The following ADGRB3 variants were observed in gnomAD, a reference collection of about 807,000 sequenced individuals.
The protein encoded by ADGRB3 is adhesion G protein-coupled receptor B3, also known as brain-specific angiogenesis inhibitor 3.
Under a neutral mutation model 193.4 loss-of-function variants are expected in ADGRB3, and 37 were observed. The observed-to-expected ratio is 0.19, with a 90% CI of 0.15 to 0.25. ADGRB3 has a LOEUF of 0.25. Among genes scored for constraint, ADGRB3 ranks in the 10% least tolerant of loss-of-function variants. The pLI, the probability that ADGRB3 is intolerant of heterozygous loss-of-function variation, is 1.00. For synonymous variants in ADGRB3, 690 were observed against 644.2 expected (o/e 1.07, Z -1.08); for missense variants, 1,637 against 1,852.9 (o/e 0.88, Z 2.14).
intron 3 of ADGRB3, among the ~76,000 whole-genome samples, chr6:68,790,507 C>T (rs1410177694): frequency 6.6e-6 from 1 of 152,154 alleles, no homozygotes; most frequent in African/African-American, 2.4e-5. Context: ...GGGTCCCTGA[C>T]CCCCGAGTAG....
intron 17 of ADGRB3, among the ~76,000 whole-genome samples, chr6:69,084,242 A>G (rs1033762194): frequency 2.0e-5 from 3 of 152,184 alleles, no homozygotes; most frequent in African/African-American, 4.8e-5. Flanking sequence ...GAAGAGGTAG[A>G]TATAAACTAT....
chr6:68,849,239 G>A (rs1335358915), intron 3 of ADGRB3, among the ~76,000 whole-genome samples: 3 of 151,760 alleles, frequency 2.0e-5, no homozygotes, highest in African/African-American at 7.3e-5. Flanking sequence ...GTATTAATAC[G>A]TTTAAATATA....
intron 24 of ADGRB3, among the ~76,000 whole-genome samples, chr6:69,335,981 ATAC>A (rs2127317335): frequency 6.6e-6 from 1 of 152,202 alleles, no homozygotes; most frequent in East Asian, 1.9e-4. Context: ...TTAATAAATA[ATAC>A]AATAGTTTAA....
intron 3 of ADGRB3, among the ~76,000 whole-genome samples, chr6:68,777,187 TGTAA>T (rs772642188): frequency 1.3e-5 from 2 of 152,106 alleles, no homozygotes; most frequent in Admixed American, 6.6e-5. Flanking sequence ...TGTAATAGCA[TGTAA>T]GTGTGTGTTC....
rs1451442520 is a variant in ADGRB3, at chr6:68,956,754, G to C, written c.1470G>C (p.Gln490His). The C allele has an allele frequency of 6.2e-7, 1 of 1,614,032 alleles. No individual in the cohort carries two copies. The highest frequency in any genetic ancestry group is 1.3e-5 in the African/African-American group (1 of 75,016). The change falls in exon 8 of 32, where the codon CAG (glutamine) becomes CAC (histidine). Residue 490 changes from glutamine to histidine, a missense_variant. By Grantham distance (24) the Gln-to-His change is conservative. Transcript: ENST00000370598. Reference sequence around the variant, plus strand: ...GTCAGGGTGCAGTGATAACAGGGCAGCAATGTGAAGGAACGGGCGAAGAAG... The same window carrying C: ...GTCAGGGTGCAGTGATAACAGGGCACCAATGTGAAGGAACGGGCGAAGAAG... ...RTCQGAVITG[Q>H]QCEGTGEEVR... is the part of the protein sequence containing the mutation.
Position 69,100,209 on chromosome 6 carries a change from C to T in ADGRB3, c.2480+24171C>T, listed in dbSNP as rs897372136. ...AGTGCAGAATTTTCTGTAAATCATTCGGTCTACATCTATAACTTTTAAATA... is the reference window on the plus strand; with the variant it reads ...AGTGCAGAATTTTCTGTAAATCATTTGGTCTACATCTATAACTTTTAAATA... On this transcript the variant is annotated intron_variant, in intron 17 of 31. Transcript: ENST00000370598. Among the ~76,000 whole-genome samples, 4 of 152,116 alleles carry T rather than the reference C, an allele frequency of 2.6e-5. No individual in the cohort carries two copies. In the East Asian group the frequency reaches 5.8e-4, roughly 22 times the overall value.
chr6:69,213,981 A>G (rs1386187849), intron 17 of ADGRB3, among the ~76,000 whole-genome samples: 1 of 152,184 alleles, frequency 6.6e-6, no homozygotes, highest in Admixed American at 6.5e-5. Context: ...AGTGACCTCA[A>G]TAACTAACCA....
At chr6:69,083,118 TGG>T (rs1772435548) in intron 17 of ADGRB3, among the ~76,000 whole-genome samples, 4 of 152,314 alleles carry the variant, frequency 2.6e-5, no homozygotes, top group Admixed American at 2.6e-4. Context: ...ATCTTATTGC[TGG>T]AAATTGGAAA....
At chr6:68,659,361 AG>A (rs1366414532) in intron 3 of ADGRB3, among the ~76,000 whole-genome samples, 5 of 150,826 alleles carry the variant, frequency 3.3e-5, no homozygotes, top group African/African-American at 1.2e-4. Context: ...GAACTTATGT[AG>A]GTCATTGTCA....
intron 3 of ADGRB3, among the ~76,000 whole-genome samples, chr6:68,730,891 C>T (rs554451299): frequency 4.0e-5 from 6 of 151,572 alleles, no homozygotes; most frequent in Admixed American, 6.6e-5. Context: ...TGAGAAAGTG[C>T]GCTGCTCTCT....
At chr6:68,724,661 A>G (rs770346862) in intron 3 of ADGRB3, among the ~76,000 whole-genome samples, 27 of 128,826 alleles carry the variant, frequency 2.1e-4, no homozygotes, top group Non-Finnish European at 2.0e-4. Flanking sequence ...ACAAAAACCC[A>G]TATTTTTTTT....
At chr6:68,887,068 TATACAC>T (rs1488657094) in intron 3 of ADGRB3, among the ~76,000 whole-genome samples, 2 of 140,288 alleles carry the variant, frequency 1.4e-5, no homozygotes, top group East Asian at 4.3e-4. Context: ...AATATATATA[TATACAC>T]ACACACACAC....
intron 3 of ADGRB3, among the ~76,000 whole-genome samples, chr6:68,756,262 A>C (rs896940750): frequency 6.6e-6 from 1 of 152,216 alleles, no homozygotes; most frequent in African/African-American, 2.4e-5. Context: ...CATTTGTTTA[A>C]GAAGAGAGTA....
At position 68,779,094 on chromosome 6, in the gene ADGRB3, C is replaced by T. The variant is rs866359523; in HGVS notation, c.757+139662C>T. On this transcript the variant is annotated intron_variant, in intron 3 of 31. Transcript: ENST00000370598. The stretch of plus-strand genomic sequence containing the variant: ...CAATGATTTTTTAAAATTATATACA[C>T]GTACATATTACGTGTGTGTGTATAC... 4.3e-4 allele frequency among the ~76,000 whole-genome samples: 66 copies of T among 152,002 alleles called. 1 individual carries two copies. Among genetic ancestry groups the T allele is most frequent in the Admixed American group, 4.1e-3 (62 of 15,220 alleles).
intron 3 of ADGRB3, among the ~76,000 whole-genome samples, chr6:68,786,975 G>C (rs1362187423): frequency 1.6e-4 from 25 of 152,150 alleles, no homozygotes; most frequent in Admixed American, 1.5e-3. Context: ...TGATGTATAA[G>C]AATGCTTGTG....
chr6:69,331,903 G>C (rs1582637526), intron 23 of ADGRB3: 2 of 985,212 alleles, frequency 2.0e-6, no homozygotes, highest in East Asian at 1.1e-4. Context: ...TGATTAAGTG[G>C]TATCTTGTCA....
At chr6:69,194,708 G>A (rs985933656) in intron 17 of ADGRB3, among the ~76,000 whole-genome samples, 9 of 152,030 alleles carry the variant, frequency 5.9e-5, no homozygotes, top group Non-Finnish European at 1.0e-4. Flanking sequence ...ATAAACAAAC[G>A]TATTATTATT....
chr6:68,758,153 C>G (rs998567197), intron 3 of ADGRB3, among the ~76,000 whole-genome samples: 1 of 151,994 alleles, frequency 6.6e-6, no homozygotes, highest in African/African-American at 2.4e-5. Flanking sequence ...GACAAATTCT[C>G]CTCACAAATT....
chr6:68,671,829 G>T (rs565545502), intron 3 of ADGRB3, among the ~76,000 whole-genome samples: 1 of 152,096 alleles, frequency 6.6e-6, no homozygotes, highest in Admixed American at 6.6e-5. Context: ...AGAATAGTTT[G>T]AGTAGGATTG....
Sources: allele counts gnomAD v4.1 joint callset (sites outside exome capture counted in the v4.1 genomes callset), GRCh38; gene constraint gnomAD v4.1.1; transcripts MANE v1.5; gene names NCBI Gene and HGNC (gene_info 2026-07-23, HGNC 2026-07-21).